Variants in COL4A5 observed in about 807,000 individuals in gnomAD.
COL4A5 encodes collagen type IV alpha 5 chain.
Under a neutral mutation model 130.2 loss-of-function variants are expected in COL4A5, and 26 were observed. The observed-to-expected ratio is 0.20, with a 90% CI of 0.15 to 0.28. COL4A5 has a LOEUF of 0.28. Among genes scored for constraint, COL4A5 ranks in the 10% least tolerant of loss-of-function variants. COL4A5 has a pLI of 1.00. For synonymous variants in COL4A5, 496 were observed against 439.6 expected (o/e 1.13, Z -1.60); for missense variants, 1,131 against 1,344.3 (o/e 0.84, Z 2.48).
intron 44 of COL4A5, among the ~76,000 whole-genome samples, chrX:108,680,297 T>A (rs761133611): frequency 9.0e-6 from 1 of 111,700 alleles, no homozygotes; most frequent in South Asian, 3.8e-4. Context: ...GAACACAAGG[T>A]ATGTGACATT....
chrX:108,557,662 C>G (rs1010197011), intron 2 of COL4A5, among the ~76,000 whole-genome samples: 24 of 111,245 alleles, frequency 2.2e-4, no homozygotes, highest in African/African-American at 7.5e-4. Flanking sequence ...CACACACTTT[C>G]AGAGTAGAAA....
chrX:108,448,631 T>C, intron 1 of COL4A5, among the ~76,000 whole-genome samples: 2 of 112,053 alleles, frequency 1.8e-5, no homozygotes, highest in Non-Finnish European at 3.8e-5. Flanking sequence ...ATTTAATTGA[T>C]GTAGTAAAAT....
chrX:108,631,933 C>T lies in COL4A5; in HGVS notation c.3246+5584C>T, dbSNP rs1412337541. On this transcript the variant is annotated intron_variant, in intron 36 of 52. Coordinates refer to ENST00000328300, the MANE Select transcript of COL4A5 (RefSeq NM_033380.3). ...ATTAAAAGAACCAGAGAAGCAAGAG[C>T]AAACAAATTCAAAAGCTAGCAGAAG... is the stretch of plus-strand genomic sequence containing the variant. 8.1e-5 allele frequency among the ~76,000 whole-genome samples: 9 copies of T among 110,602 alleles called. No homozygotes were observed. In the Admixed American group the frequency reaches 8.7e-4, roughly 11 times the overall value.
intron 36 of COL4A5, among the ~76,000 whole-genome samples, chrX:108,645,866 TG>T (rs1375077397): frequency 1.8e-5 from 2 of 109,923 alleles, no homozygotes; most frequent in African/African-American, 6.6e-5. Flanking sequence ...TTGCTGAGAA[TG>T]GTAGTCTCCA....
intron 1 of COL4A5, among the ~76,000 whole-genome samples, chrX:108,447,174 C>T (rs1191526243): frequency 1.8e-5 from 2 of 111,622 alleles, no homozygotes; most frequent in Non-Finnish European, 3.8e-5. Context: ...TTCAGGCTTA[C>T]ACTTAAATGG....
chrX:108,458,957 G>A (rs2064613992), intron 1 of COL4A5, among the ~76,000 whole-genome samples: 1 of 99,249 alleles, frequency 1.0e-5, no homozygotes, highest in Non-Finnish European at 2.0e-5. Flanking sequence ...TCCAGCCTGG[G>A]TGACAGCGAG....
At chrX:108,577,020 G>A (rs1486259191) in intron 10 of COL4A5, among the ~76,000 whole-genome samples, 1 of 111,080 alleles carries the variant, frequency 9.0e-6, no homozygotes, top group African/African-American at 3.3e-5. Context: ...TTCACTTTAC[G>A]TTTCTGGATA....
intron 4 of COL4A5, among the ~76,000 whole-genome samples, chrX:108,564,992 T>TA (rs36078116): frequency 0.1 from 11,499 of 111,204 alleles, 1,299 homozygotes; most frequent in African/African-American, 0.33. Flanking sequence ...ATTTTTCTGT[T>TA]AAAAATTGAT....
chrX:108,664,141 C>T (rs57224294), intron 37 of COL4A5, among the ~76,000 whole-genome samples: 12,273 of 110,828 alleles, frequency 0.11, 1,495 homozygotes, highest in African/African-American at 0.36. Flanking sequence ...GCCGTGATCG[C>T]GCCACCGCAA....
chrX:108,534,031 CA>C (rs1037099576), intron 1 of COL4A5, among the ~76,000 whole-genome samples: 2 of 108,289 alleles, frequency 1.8e-5, no homozygotes, highest in African/African-American at 6.7e-5. Context: ...AATAAAAAGA[CA>C]AAAAACAACA....
intron 1 of COL4A5, among the ~76,000 whole-genome samples, chrX:108,539,179 A>G (rs1272340999): frequency 1.2e-4 from 13 of 105,252 alleles, no homozygotes; most frequent in African/African-American, 5.2e-4. Context: ...AAGCAATGTT[A>G]GAAGAAAAAA....
chrX:108,501,133 G>A (rs1400306824), intron 1 of COL4A5, among the ~76,000 whole-genome samples: 1 of 111,227 alleles, frequency 9.0e-6, no homozygotes, highest in Non-Finnish European at 1.9e-5. Context: ...GACAAACGAT[G>A]AGGCAATGAG....
intron 1 of COL4A5, among the ~76,000 whole-genome samples, chrX:108,472,938 T>G (rs1225310669): frequency 8.9e-6 from 1 of 112,180 alleles, no homozygotes; most frequent in African/African-American, 3.2e-5. Context: ...CATTCATCTT[T>G]TAGCTTTTTG....
intron 37 of COL4A5, 87 bp downstream of exon 37, chrX:108,655,544 T>C (rs2067825061): frequency 9.6e-7 from 1 of 1,039,419 alleles, no homozygotes; most frequent in Non-Finnish European, 1.3e-6. Context: ...TTTGGCAGAC[T>C]TATATTTTAT....
At chrX:108,523,851 C>G (rs953245397) in intron 1 of COL4A5, among the ~76,000 whole-genome samples, 14 of 111,416 alleles carry the variant, frequency 1.3e-4, no homozygotes, top group African/African-American at 4.6e-4. Context: ...CATTTTCATG[C>G]AGTTGTAAAT....
chrX:108,603,118 T>C (rs1323269056), intron 28 of COL4A5, 57 bp downstream of exon 28: 2 of 758,598 alleles, frequency 2.6e-6, no homozygotes, highest in Non-Finnish European at 4.0e-6. Flanking sequence ...ACCTTCCTTA[T>C]TTCTAGCTCT....
chrX:108,672,482 C>T (rs2068224416), intron 42 of COL4A5, among the ~76,000 whole-genome samples: 1 of 112,145 alleles, frequency 8.9e-6, no homozygotes, highest in Admixed American at 9.5e-5. Context: ...AGACTACAAC[C>T]TTAAGTGGAA....
intron 1 of COL4A5, among the ~76,000 whole-genome samples, chrX:108,529,575 G>C (rs1283142654): frequency 9.0e-6 from 1 of 111,200 alleles, no homozygotes; most frequent in Non-Finnish European, 1.9e-5. Context: ...GAATGTAAAT[G>C]GATTATATTT....
chrX:108,509,469 C>A (rs949319558), intron 1 of COL4A5, among the ~76,000 whole-genome samples: 2 of 111,504 alleles, frequency 1.8e-5, no homozygotes, highest in African/African-American at 6.5e-5. Context: ...AAGAGAAAAA[C>A]CAACAACCTC....
Sources: allele counts gnomAD v4.1 joint callset (sites outside exome capture counted in the v4.1 genomes callset), GRCh38; gene constraint gnomAD v4.1.1; transcripts MANE v1.5; gene names NCBI Gene and HGNC (gene_info 2026-07-23, HGNC 2026-07-21).